PTBP2: variants seen among roughly 807,000 people sequenced by gnomAD.
PTBP2 encodes polypyrimidine tract binding protein 2, also known as polypyrimidine tract-binding protein 2.
PTBP2 carries 13 observed loss-of-function variants against 61.4 expected under a neutral mutation model. The observed-to-expected ratio is 0.21, with a 90% CI of 0.14 to 0.34. The LOEUF is 0.34. Ranked by LOEUF, PTBP2 falls within the 10% of genes least tolerant of loss-of-function variation. The pLI, the probability that PTBP2 is intolerant of heterozygous loss-of-function variation, is 1.00. For missense variants in PTBP2, 405 were observed against 642.6 expected (o/e 0.63, Z 4.00); for synonymous variants, 215 against 218.5 (o/e 0.98, Z 0.14).
intron 3 of PTBP2, among the ~76,000 whole-genome samples, chr1:96,759,104 C>T (rs1222335238): frequency 6.6e-6 from 1 of 152,038 alleles, no homozygotes. Flanking sequence ...GACATCTACA[C>T]CAATATGAAA....
At chr1:96,730,093 A>C (rs563014008) in intron 2 of PTBP2, among the ~76,000 whole-genome samples, 2 of 152,236 alleles carry the variant, frequency 1.3e-5, no homozygotes, top group South Asian at 4.1e-4. Flanking sequence ...TCTCATTCCC[A>C]GTAGGGATAA....
rs139787687 is a variant in PTBP2, at chr1:96,804,897, T to G, written c.1002T>G (p.Ala334=). Reference sequence around the variant, plus strand: ...GAGTGGGTATGCCTGGAGTCTCAGCTGGTGGCAATACAGTCCTGTTGGTTA... The same window carrying G: ...GAGTGGGTATGCCTGGAGTCTCAGCGGGTGGCAATACAGTCCTGTTGGTTA... ...AGRVGMPGVS[A]GGNTVLLVSN... Residue 334 remains alanine, a synonymous_variant, in exon 9 of 14, where the codon GCT becomes GCG. Transcript: ENST00000674951. 2 of 1,611,234 alleles carry G rather than the reference T, an allele frequency of 1.2e-6. No homozygotes were observed. The highest frequency in any genetic ancestry group is 3.3e-5 in the Admixed American group (2 of 59,974).
chr1:96,770,017 G>T (rs1012441741), intron 4 of PTBP2, 142 bp downstream of exon 4: 2 of 599,566 alleles, frequency 3.3e-6, no homozygotes, highest in Non-Finnish European at 2.6e-6. Context: ...AGATGTCTGT[G>T]GGAAACTAAT....
rs547536706 is a variant in PTBP2 at position 96,743,954 on chromosome 1, T to G, written c.40-7471T>G. On this transcript the variant is annotated intron_variant, in intron 2 of 13. Coordinates refer to ENST00000674951, the MANE Select transcript of PTBP2 (RefSeq NM_021190.4). ...CAGCATTTTGGGAGGCCAAGGTGGT[T>G]GGATCACAAGGTCAGGAGCTTGAGA... is the stretch of plus-strand genomic sequence containing the variant. 2.0e-5 allele frequency among the ~76,000 whole-genome samples: 3 copies of G among 152,206 alleles called. No homozygotes were observed. The South Asian group carries it at 6.2e-4, about 32-fold the overall frequency.
At chr1:96,746,085 C>A (rs369094106) in intron 2 of PTBP2, among the ~76,000 whole-genome samples, 18 of 137,260 alleles carry the variant, frequency 1.3e-4, no homozygotes, top group African/African-American at 1.6e-4. Context: ...CAAAAAAAAA[C>A]AACAACAAAA....
chr1:96,744,708 ATTC>A (rs1278061882), intron 2 of PTBP2, among the ~76,000 whole-genome samples: 29 of 152,234 alleles, frequency 1.9e-4, no homozygotes, highest in East Asian at 1.9e-4. Flanking sequence ...AATTATCCTT[ATTC>A]TTACTTTTTG....
At chr1:96,755,828 G>A (rs1019631702) in intron 3 of PTBP2, among the ~76,000 whole-genome samples, 1 of 152,196 alleles carries the variant, frequency 6.6e-6, no homozygotes, top group Non-Finnish European at 1.5e-5. Context: ...TTAAGAGTGG[G>A]AAAGGACAGG....
At chr1:96,765,645 A>T (rs927046037) in intron 3 of PTBP2, among the ~76,000 whole-genome samples, 2 of 152,070 alleles carry the variant, frequency 1.3e-5, no homozygotes, top group African/African-American at 4.8e-5. Flanking sequence ...TGGGAAGTGG[A>T]GGTTGTAGTC....
intron 8 of PTBP2, among the ~76,000 whole-genome samples, chr1:96,787,201 T>C (rs967803226): frequency 1.3e-5 from 2 of 152,102 alleles, no homozygotes; most frequent in African/African-American, 4.8e-5. Context: ...TTGTCTTTTT[T>C]CGTAGAGATG....
chr1:96,745,683 A>G (rs906645681), intron 2 of PTBP2, among the ~76,000 whole-genome samples: 1 of 152,104 alleles, frequency 6.6e-6, no homozygotes, highest in South Asian at 2.1e-4. Flanking sequence ...ATAGTTTTAT[A>G]ATACTCATTG....
chr1:96,805,609 A>G (rs1288545752), intron 9 of PTBP2, among the ~76,000 whole-genome samples: 2 of 150,504 alleles, frequency 1.3e-5, no homozygotes, highest in African/African-American at 2.5e-5. Context: ...TTTGAATGCT[A>G]TGAAAGCTGG....
intron 8 of PTBP2, among the ~76,000 whole-genome samples, chr1:96,790,028 C>T (rs1243427892): frequency 2.0e-5 from 3 of 152,064 alleles, no homozygotes; most frequent in African/African-American, 7.2e-5. Flanking sequence ...TATGGAGGGC[C>T]GCACATAGTA....
intron 7 of PTBP2, among the ~76,000 whole-genome samples, chr1:96,780,323 C>T (rs576326911): frequency 1.3e-4 from 19 of 151,940 alleles, no homozygotes; most frequent in Non-Finnish European, 2.2e-4. Flanking sequence ...TCAATCCATC[C>T]ATCTATAACT....
chr1:96,821,406 T>G lies in PTBP2; in HGVS notation c.*8001T>G, dbSNP rs574211730. 148 of 152,094 alleles carry G rather than the reference T, an allele frequency of 9.7e-4. No homozygotes were observed. The Middle Eastern group carries it at 0.01, about 10-fold the overall frequency. 9.4% of individuals were successfully genotyped at this position (152,094 alleles called of 1,614,324 possible). A position where few individuals can be genotyped will look rare whatever the true frequency, so the allele number is the denominator to read the frequency against. On this transcript the variant is annotated 3_prime_UTR_variant, in exon 14 of 14. Transcript: ENST00000609116. ...GCAGGAGTGTACCTGCAGTTAACTT[T>G]ATACAGTTAAGAAGAGGTTGGTTTC...
intron 2 of PTBP2, among the ~76,000 whole-genome samples, chr1:96,728,905 T>G (rs1000413126): frequency 1.3e-5 from 2 of 151,974 alleles, no homozygotes; most frequent in African/African-American, 4.8e-5. Context: ...GTACTGTAAA[T>G]GATATTTTAA....
At chr1:96,727,515 A>G (rs1411484764) in intron 2 of PTBP2, among the ~76,000 whole-genome samples, 1 of 152,204 alleles carries the variant, frequency 6.6e-6, no homozygotes, top group Non-Finnish European at 1.5e-5. Flanking sequence ...TGCCATCAGC[A>G]TGGTATGAAA....
rs565148200 is a variant in PTBP2 at position 96,800,309 on chromosome 1, C to T, written c.905-4491C>T. Among the ~76,000 whole-genome samples, 3 of 150,746 alleles carry T rather than the reference C, an allele frequency of 2.0e-5. No individual in the cohort carries two copies. In the South Asian group the frequency reaches 6.3e-4, roughly 32 times the overall value. ...TAGAAAGAGGTAAATTCATCTATTT[C>T]GAGCCCAAATTTTTCTGTCTAGAAG... On this transcript the variant is annotated intron_variant, in intron 8 of 13. Coordinates refer to ENST00000674951, the MANE Select transcript of PTBP2 (RefSeq NM_021190.4).
At chr1:96,758,441 AAT>A (rs1346703641) in intron 3 of PTBP2, among the ~76,000 whole-genome samples, 2 of 152,088 alleles carry the variant, frequency 1.3e-5, no homozygotes, top group African/African-American at 2.4e-5. Flanking sequence ...TGACAAGGGT[AAT>A]ATATCAAGAT....
chr1:96,727,664 G>C (rs757354031), intron 2 of PTBP2, among the ~76,000 whole-genome samples: 1 of 151,884 alleles, frequency 6.6e-6, no homozygotes, highest in Non-Finnish European at 1.5e-5. Flanking sequence ...ACATCTTTTC[G>C]TGTGCTTTTT....
Sources: allele counts gnomAD v4.1 joint callset (sites outside exome capture counted in the v4.1 genomes callset), GRCh38; gene constraint gnomAD v4.1.1; transcripts MANE v1.5; gene names NCBI Gene and HGNC (gene_info 2026-07-23, HGNC 2026-07-21).